ATOSA: variants seen among roughly 807,000 people sequenced by gnomAD.
ATOSA encodes atos homolog protein A.
the ATOSA span, chr15:52,629,522 G>A: frequency 0.81 from 147,727 of 183,434 alleles, 57,168 homozygotes; most frequent in East Asian, 0.97. Context: ...AAAAAAAAAA[G>A]GCCAGGCATC....
the ATOSA span, chr15:52,613,845 T>G: frequency 6.2e-7 from 1 of 1,613,554 alleles, no homozygotes; most frequent in South Asian, 1.1e-5. Flanking sequence ...TTCAAAATAT[T>G]CATCCAGAGT....
the ATOSA span, chr15:52,605,020 C>T: frequency 1.4e-6 from 1 of 709,520 alleles, no homozygotes; most frequent in Non-Finnish European, 2.3e-6. Flanking sequence ...TGTTTCCTTA[C>T]TGGAAATTTA....
At chr15:52,610,459 G>A in the ATOSA span, 3 of 1,440,526 alleles carry the variant, frequency 2.1e-6, no homozygotes, top group Non-Finnish European at 2.8e-6. Flanking sequence ...TATTTTAAAT[G>A]TAAAGCAGTC....
the ATOSA span, among the ~76,000 whole-genome samples, chr15:52,675,156 A>C: frequency 6.6e-6 from 1 of 152,180 alleles, no homozygotes; most frequent in Admixed American, 6.5e-5. Flanking sequence ...GCTTAAAATT[A>C]ATTTTTTTTA....
chr15:52,690,068 T>A, the ATOSA span, among the ~76,000 whole-genome samples: 2 of 152,224 alleles, frequency 1.3e-5, no homozygotes, highest in African/African-American at 4.8e-5. Flanking sequence ...ATAAACAAGT[T>A]TGTAACAAAG....
chr15:52,613,736 G>A, the ATOSA span: 2 of 1,613,760 alleles, frequency 1.2e-6, no homozygotes, highest in Admixed American at 3.3e-5. Context: ...GTGCTGGAGG[G>A]CAATGAAAGC....
the ATOSA span, among the ~76,000 whole-genome samples, chr15:52,709,361 G>C: frequency 6.6e-6 from 1 of 152,124 alleles, no homozygotes; most frequent in Admixed American, 6.5e-5. Flanking sequence ...TAATGTAGTA[G>C]AGTGCTTACT....
At chr15:52,688,106 A>G in the ATOSA span, among the ~76,000 whole-genome samples, 1 of 152,232 alleles carries the variant, frequency 6.6e-6, no homozygotes, top group Non-Finnish European at 1.5e-5. Context: ...GATTCATAAG[A>G]TTAAGTTATT....
the ATOSA span, among the ~76,000 whole-genome samples, chr15:52,666,476 T>A: frequency 3.3e-5 from 5 of 152,328 alleles, no homozygotes; most frequent in South Asian, 1.0e-3. Context: ...AGGGAGTTCA[T>A]GTATAACATC....
the ATOSA span, among the ~76,000 whole-genome samples, chr15:52,621,302 C>A: frequency 6.6e-5 from 10 of 152,260 alleles, no homozygotes; most frequent in African/African-American, 2.4e-4. Flanking sequence ...GACATACATA[C>A]AACAAAATAT....
the ATOSA span, among the ~76,000 whole-genome samples, chr15:52,666,871 C>A: frequency 6.6e-6 from 1 of 151,374 alleles, no homozygotes. Flanking sequence ...AAGAGAGTAA[C>A]GCAGAGTAAA....
At chr15:52,703,052 C>T in the ATOSA span, among the ~76,000 whole-genome samples, 1 of 152,134 alleles carries the variant, frequency 6.6e-6, no homozygotes, top group Admixed American at 6.6e-5. Context: ...AGTATATCCA[C>T]ACAATAGAAT....
chr15:52,660,825 T>A, the ATOSA span, among the ~76,000 whole-genome samples: 1 of 152,134 alleles, frequency 6.6e-6, no homozygotes, highest in Non-Finnish European at 1.5e-5. Flanking sequence ...CTAATTTTTT[T>A]ATATTTTTAG....
At chr15:52,665,428 A>T in the ATOSA span, among the ~76,000 whole-genome samples, 131,528 of 152,238 alleles carry the variant, frequency 0.86, 57,220 homozygotes, top group East Asian at 1. Context: ...TCTATAAGAA[A>T]GCGAAATCAA....
At chr15:52,698,864 A>AT in the ATOSA span, among the ~76,000 whole-genome samples, 1 of 152,204 alleles carries the variant, frequency 6.6e-6, no homozygotes, top group Non-Finnish European at 1.5e-5. Flanking sequence ...TAGTATTTGT[A>AT]TGTTGTTACT....
chr15:52,676,737 C>T, the ATOSA span, among the ~76,000 whole-genome samples: 5 of 152,150 alleles, frequency 3.3e-5, no homozygotes, highest in Admixed American at 6.5e-5. Context: ...CTAGTTTTGG[C>T]TGCAAATACT....
chr15:52,613,844 T>C, the ATOSA span: 38 of 1,613,504 alleles, frequency 2.4e-5, no homozygotes, highest in East Asian at 8.9e-5. Context: ...ATTCAAAATA[T>C]TCATCCAGAG....
chr15:52,614,321 G>A, the ATOSA span, among the ~76,000 whole-genome samples: 2 of 151,474 alleles, frequency 1.3e-5, no homozygotes, highest in South Asian at 2.1e-4. Context: ...GGTCAGGCTG[G>A]TCTCGAACTC....
At chr15:52,581,480 G>A in the ATOSA span, 2 of 152,184 alleles carry the variant, frequency 1.3e-5, no homozygotes, top group South Asian at 4.1e-4. Flanking sequence ...TGGGGATAAG[G>A]AATCCTGGCT....
Sources: allele counts gnomAD v4.1 joint callset (sites outside exome capture counted in the v4.1 genomes callset), GRCh38; gene constraint gnomAD v4.1.1; transcripts MANE v1.5; gene names NCBI Gene and HGNC (gene_info 2026-07-23, HGNC 2026-07-21).